UGT1A7: variants seen among roughly 807,000 people sequenced by gnomAD.
The protein encoded by UGT1A7 is UDP glucuronosyltransferase family 1 member A7, also known as UDP-glucuronosyltransferase 1A7.
UGT1A7 carries 33 observed loss-of-function variants against 45.6 expected under a neutral mutation model. The observed-to-expected ratio is 0.72, with a 90% CI of 0.55 to 0.97. The LOEUF is 0.97. UGT1A7 is among the 50% of genes least tolerant of loss of function. The pLI is 0.00. For missense variants in UGT1A7, 684 were observed against 666.2 expected, an observed-to-expected ratio of 1.03 and a Z score of -0.29; for synonymous variants, 274 against 250.6, an observed-to-expected ratio of 1.09 and a Z score of -0.88.
intron 1 of UGT1A7, among the ~76,000 whole-genome samples, chr2:233,730,410 A>G (rs1377970337): frequency 1.3e-5 from 2 of 152,224 alleles, no homozygotes; most frequent in African/African-American, 4.8e-5. Flanking sequence ...ACAATTGTTG[A>G]CATGATAATT....
chr2:233,748,845 C>T (rs936990961), intron 1 of UGT1A7, among the ~76,000 whole-genome samples: 6 of 151,120 alleles, frequency 4.0e-5, no homozygotes, highest in East Asian at 1.9e-4. Context: ...AAACTGTGAG[C>T]GTATAAGCCC....
At chr2:233,717,835 A>G (rs773677565) in intron 1 of UGT1A7, 3 of 455,164 alleles carry the variant, frequency 6.6e-6, no homozygotes, top group South Asian at 4.7e-5. Flanking sequence ...TTCTGGAGGA[A>G]CCATTCTTAT....
At chr2:233,692,098 G>T (rs1311046978) in intron 1 of UGT1A7, 2 of 152,140 alleles carry the variant, frequency 1.3e-5, no homozygotes, top group African/African-American at 4.8e-5. Flanking sequence ...TTTGATCACC[G>T]ATGGGCAACA....
rs1271969942 is a variant in UGT1A7, at chr2:233,682,663, T to C, written c.726T>C (p.Tyr242=). 5.0e-6 allele frequency: 8 copies of C among 1,613,786 alleles called. No individual in the cohort carries two copies. The highest frequency in any genetic ancestry group is 2.2e-5 in the East Asian group (1 of 44,886). ...TTCTCCAAACCCCTGTCACGGCATATGATCTCTACAGCCACACATCAATTT... is the reference window on the plus strand; with the variant it reads ...TTCTCCAAACCCCTGTCACGGCATACGATCTCTACAGCCACACATCAATTT... ...SEILQTPVTA[Y]DLYSHTSIWL... is the part of the protein sequence containing the mutation. The change falls in exon 1 of 5, where the codon TAT becomes TAC. Residue 242 remains tyrosine (Y), a synonymous_variant. Transcript: ENST00000373426.
In UGT1A7 at chr2:233,767,782, A is replaced by G. The variant is rs1404728252; in HGVS notation, c.988-67A>G. The G allele has an allele frequency of 3.7e-6, 6 of 1,613,376 alleles. No individual in the cohort carries two copies. In the African/African-American group the frequency reaches 4.0e-5, roughly 11 times the overall value. ...AGAGGACCCCTGTTTTCTAGTTAGT[A>G]TAGCAGATTTGTTTTCTAATCATAT... is the stretch of plus-strand genomic sequence containing the variant. On this transcript the variant is annotated intron_variant, in intron 2 of 4. Coordinates refer to ENST00000373426, the MANE Select transcript of UGT1A7 (RefSeq NM_019077.3).
At chr2:233,760,300 T>G (rs1271688129) in intron 1 of UGT1A7, 1 of 1,613,254 alleles carries the variant, frequency 6.2e-7, no homozygotes, top group East Asian at 2.2e-5. Flanking sequence ...GGCTGTGGAG[T>G]CCCAGGGCGG....
intron 1 of UGT1A7, among the ~76,000 whole-genome samples, chr2:233,722,884 C>T (rs1358395821): frequency 7.1e-6 from 1 of 141,226 alleles, no homozygotes; most frequent in Admixed American, 7.2e-5. Flanking sequence ...ATTTATTGCT[C>T]ATTAAGTGGA....
At chr2:233,731,449 C>T (rs2078164021) in intron 1 of UGT1A7, among the ~76,000 whole-genome samples, 1 of 152,132 alleles carries the variant, frequency 6.6e-6, no homozygotes, top group South Asian at 2.1e-4. Flanking sequence ...CCCCACCCCA[C>T]AACAGGCCCT....
chr2:233,751,085 CAGG>C (rs1331758725), intron 1 of UGT1A7, among the ~76,000 whole-genome samples: 1 of 151,924 alleles, frequency 6.6e-6, no homozygotes, highest in Non-Finnish European at 1.5e-5. Context: ...TGAAGGCAGC[CAGG>C]AGGAGGGCTT....
rs1267611137 is a variant in UGT1A7 at position 233,724,759 on chromosome 2, C to T, written c.855+41967C>T. 1.5e-4 allele frequency among the ~76,000 whole-genome samples: 22 copies of T among 143,568 alleles called. 2 individuals are homozygous for T. Among genetic ancestry groups the T allele is most frequent in the East Asian group, 4.4e-4 (2 of 4,564 alleles). 94.2% of individuals were successfully genotyped at this position (143,568 alleles called of 152,430 possible). A position where few individuals can be genotyped will look rare whatever the true frequency, so the allele number is the denominator to read the frequency against. On this transcript the variant is annotated intron_variant, in intron 1 of 4. Transcript: ENST00000373426. ...GGCTCCTCACATCCCAGACGATGGG[C>T]GGCCAGGCAGAGACACTCCTCACTT... is the stretch of plus-strand genomic sequence containing the variant.
chr2:233,744,810 C>A (rs79404275), intron 1 of UGT1A7, among the ~76,000 whole-genome samples: 3 of 151,852 alleles, frequency 2.0e-5, no homozygotes, highest in African/African-American at 7.3e-5. Context: ...CTAGGATTTC[C>A]TGGCTCATAC....
At chr2:233,690,753 G>GCA in intron 1 of UGT1A7, 1 of 1,161,250 alleles carries the variant, frequency 8.6e-7, no homozygotes, top group South Asian at 1.6e-5. Context: ...AGTGTCCAGT[G>GCA]CAGACATACA....
intron 1 of UGT1A7, among the ~76,000 whole-genome samples, chr2:233,727,500 G>A (rs1156427094): frequency 6.6e-6 from 1 of 152,198 alleles, no homozygotes; most frequent in Non-Finnish European, 1.5e-5. Flanking sequence ...GAACATGGGA[G>A]CCCATGAATG....
intron 1 of UGT1A7, among the ~76,000 whole-genome samples, chr2:233,759,123 C>G (rs1197152658): frequency 6.6e-6 from 1 of 152,198 alleles, no homozygotes; most frequent in East Asian, 1.9e-4. Flanking sequence ...GAGTTACAGC[C>G]TCTGGTACGC....
At chr2:233,741,532 A>C (rs1691693869) in intron 1 of UGT1A7, 1 of 151,938 alleles carries the variant, frequency 6.6e-6, no homozygotes, top group Non-Finnish European at 1.5e-5. Flanking sequence ...AGTCTGTCTT[A>C]TTCTGATACT....
At chr2:233,706,301 T>C (rs746446556) in intron 1 of UGT1A7, among the ~76,000 whole-genome samples, 9 of 152,168 alleles carry the variant, frequency 5.9e-5, no homozygotes, top group Non-Finnish European at 1.2e-4. Context: ...CCAGGTACTA[T>C]GTAGATAGTG....
At chr2:233,734,127 G>A (rs549754021) in intron 1 of UGT1A7, among the ~76,000 whole-genome samples, 274 of 151,640 alleles carry the variant, frequency 1.8e-3, no homozygotes, top group Non-Finnish European at 3.0e-3. Context: ...ATAATAAAAA[G>A]AATTTGGCTG....
At chr2:233,760,316 C>T in intron 1 of UGT1A7, 1 of 1,614,002 alleles carries the variant, frequency 6.2e-7, no homozygotes, top group South Asian at 1.1e-5. Flanking sequence ...GGCGGACGCC[C>T]ACTTGTCCTG....
At chr2:233,717,451 T>C (rs1244065037) in intron 1 of UGT1A7, among the ~76,000 whole-genome samples, 1 of 152,228 alleles carries the variant, frequency 6.6e-6, no homozygotes, top group Non-Finnish European at 1.5e-5. Flanking sequence ...ATCCATTCAC[T>C]GCCTGTCCCA....
Sources: allele counts gnomAD v4.1 joint callset (sites outside exome capture counted in the v4.1 genomes callset), GRCh38; gene constraint gnomAD v4.1.1; transcripts MANE v1.5; gene names NCBI Gene and HGNC (gene_info 2026-07-23, HGNC 2026-07-21).